TBL1X: variants seen among roughly 807,000 people sequenced by gnomAD.
TBL1X encodes the protein F-box-like/WD repeat-containing protein TBL1X.
A neutral mutation model predicts 50.7 loss-of-function variants in TBL1X; 10 were observed. The ratio of observed to expected loss-of-function variants is 0.20; its 90% CI spans 0.12 to 0.33. The LOEUF (loss-of-function observed/expected upper bound fraction) is 0.33. TBL1X is among the 10% of genes least tolerant of loss of function. The probability of loss-of-function intolerance (pLI) is 1.00; values close to 1 mark genes in which losing one functional copy is unlikely to be tolerated. For synonymous variants in TBL1X, 190 were observed against 214.7 expected, an observed-to-expected ratio of 0.88 and a Z score of 1.01; for missense variants, 340 against 504.4, an observed-to-expected ratio of 0.67 and a Z score of 3.12.
At chrX:9,650,213 C>T (rs1354295181) in intron 3 of TBL1X, among the ~76,000 whole-genome samples, 2 of 112,735 alleles carry the variant, frequency 1.8e-5, no homozygotes, top group Non-Finnish European at 3.7e-5. Context: ...CAATGGTTCT[C>T]GGCCAGCTGC....
chrX:9,538,758 G>A (rs1390347901), intron 2 of TBL1X, among the ~76,000 whole-genome samples: 2 of 112,777 alleles, frequency 1.8e-5, no homozygotes. Flanking sequence ...GCCCCAGAAG[G>A]TGTTTCCGTT....
At chrX:9,479,843 C>T (rs1300950948) in intron 1 of TBL1X, among the ~76,000 whole-genome samples, 1 of 110,659 alleles carries the variant, frequency 9.0e-6, no homozygotes, top group Non-Finnish European at 1.9e-5. Context: ...GGTTTTTCAC[C>T]AAAAATAAAA....
chrX:9,570,544 A>G (rs2082379643), intron 2 of TBL1X, among the ~76,000 whole-genome samples: 1 of 111,824 alleles, frequency 8.9e-6, no homozygotes, highest in Non-Finnish European at 1.9e-5. Context: ...CCCTGAAACT[A>G]ATGAAAGAAT....
intron 1 of TBL1X, among the ~76,000 whole-genome samples, chrX:9,494,589 A>G (rs941507631): frequency 8.9e-6 from 1 of 112,166 alleles, no homozygotes; most frequent in African/African-American, 3.2e-5. Flanking sequence ...AAGTTTTTTT[A>G]AAAAATATTT....
At chrX:9,531,005 T>G (rs983249209) in intron 2 of TBL1X, 1 of 111,751 alleles carries the variant, frequency 8.9e-6, no homozygotes, top group Non-Finnish European at 1.9e-5. Flanking sequence ...AGCTAACCCT[T>G]GAGCGGGATG....
At chrX:9,683,003 C>A (rs1410016393) in intron 5 of TBL1X, among the ~76,000 whole-genome samples, 1 of 111,438 alleles carries the variant, frequency 9.0e-6, no homozygotes, top group African/African-American at 3.3e-5. Flanking sequence ...ATGATGTCCA[C>A]CTCCCAAGGA....
chrX:9,629,861 G>C (rs1453807666), intron 2 of TBL1X, among the ~76,000 whole-genome samples: 2 of 110,757 alleles, frequency 1.8e-5, no homozygotes, highest in Non-Finnish European at 3.8e-5. Context: ...CGGGATCGCT[G>C]ATCGCCGGTT....
chrX:9,491,330 A>ATTT (rs1569205520), intron 1 of TBL1X, among the ~76,000 whole-genome samples: 1 of 22,731 alleles, frequency 4.4e-5, no homozygotes, highest in Admixed American at 8.2e-4. Flanking sequence ...ATATATATAT[A>ATTT]TATATATATT....
At chrX:9,682,091 C>T in intron 5 of TBL1X, among the ~76,000 whole-genome samples, 2 of 112,591 alleles carry the variant, frequency 1.8e-5, no homozygotes, top group Middle Eastern at 9.3e-3. Flanking sequence ...CTCTTCCACA[C>T]TTTGCCAAAG....
At chrX:9,591,526 C>G (rs1027737220) in intron 2 of TBL1X, among the ~76,000 whole-genome samples, 1 of 112,529 alleles carries the variant, frequency 8.9e-6, no homozygotes, top group East Asian at 2.8e-4. Context: ...GGATGGTTTA[C>G]TACTGCTTGC....
chrX:9,562,285 TTTTC>T (rs1273346969), intron 2 of TBL1X, among the ~76,000 whole-genome samples: 1 of 112,481 alleles, frequency 8.9e-6, no homozygotes, highest in Admixed American at 9.4e-5. Context: ...ATGTGATTCT[TTTTC>T]TTTCTCTCAC....
chrX:9,484,631 T>G (rs543465228), intron 1 of TBL1X, among the ~76,000 whole-genome samples: 6 of 111,199 alleles, frequency 5.4e-5, no homozygotes, highest in South Asian at 3.9e-4. Context: ...CCTGTATGGA[T>G]GCACTATGGT....
chrX:9,495,401 T>C (rs768945679), intron 1 of TBL1X, among the ~76,000 whole-genome samples: 2 of 110,726 alleles, frequency 1.8e-5, no homozygotes, highest in South Asian at 7.7e-4. Context: ...GTTTCTTTTT[T>C]TTTAGGTCCG....
chrX:9,522,307 CA>C (rs2082111036), intron 2 of TBL1X, among the ~76,000 whole-genome samples: 2 of 111,884 alleles, frequency 1.8e-5, no homozygotes, highest in Non-Finnish European at 3.8e-5. Flanking sequence ...TGTTGAGCCA[CA>C]ATGCCCAGCC....
chrX:9,635,249 C>A (rs1306104412), intron 2 of TBL1X, among the ~76,000 whole-genome samples: 2 of 110,167 alleles, frequency 1.8e-5, no homozygotes, highest in African/African-American at 6.6e-5. Context: ...TGGGACACCC[C>A]AAAATATCTC....
At chrX:9,484,409 T>C (rs773148117) in intron 1 of TBL1X, among the ~76,000 whole-genome samples, 8 of 112,030 alleles carry the variant, frequency 7.1e-5, no homozygotes, top group Non-Finnish European at 1.5e-4. Context: ...TGCTTTTTTG[T>C]AATGTCTCTC....
Position 9,692,215 on chromosome X carries a change from C to T in TBL1X, c.852C>T (p.Asp284=), listed in dbSNP as rs143231361. The change falls in exon 9 of 18, where the codon GAC becomes GAT. Residue 284 remains aspartate, a synonymous_variant. Coordinates refer to ENST00000645353, the MANE Select transcript of TBL1X (RefSeq NM_005647.4). ...ACTGTATACGAGAGGGGGGCCATGA[C>T]GTCCCGAGTAACAAAGACGTCACCT... ...LRHCIREGGH[D]VPSNKDVTSL... The T allele has an allele frequency of 2.1e-5, 25 of 1,198,633 alleles. No homozygotes were observed. The highest frequency in any genetic ancestry group is 7.1e-5 in the African/African-American group (4 of 56,059).
chrX:9,485,797 T>G (rs1226516524), intron 1 of TBL1X, among the ~76,000 whole-genome samples: 1 of 112,204 alleles, frequency 8.9e-6, no homozygotes, highest in Non-Finnish European at 1.9e-5. Flanking sequence ...CAGTCTCAAA[T>G]CAATTCACGA....
intron 5 of TBL1X, among the ~76,000 whole-genome samples, chrX:9,662,869 A>T (rs753196491): frequency 7.5e-4 from 84 of 112,308 alleles, no homozygotes; most frequent in Non-Finnish European, 1.5e-3. Context: ...AGGTGGGGGG[A>T]TCACTTGAGG....
Sources: allele counts gnomAD v4.1 joint callset (sites outside exome capture counted in the v4.1 genomes callset), GRCh38; gene constraint gnomAD v4.1.1; transcripts MANE v1.5; gene names NCBI Gene and HGNC (gene_info 2026-07-23, HGNC 2026-07-21).